Variants in CCSER1 observed in about 807,000 individuals in gnomAD.
CCSER1 encodes serine-rich coiled-coil domain-containing protein 1.
In CCSER1, 41 loss-of-function variants were observed where a neutral mutation model predicts 82.0. The observed-to-expected ratio is 0.50, with a 90% CI of 0.39 to 0.65. The LOEUF (loss-of-function observed/expected upper bound fraction) is 0.65, where lower values mean the gene tolerates loss of function less well. CCSER1 is among the 30% of genes least tolerant of loss of function. The pLI is 0.00. For synonymous variants in CCSER1, 414 were observed against 383.9 expected (o/e 1.08, Z -0.92); for missense variants, 1,119 against 1,064.2 (o/e 1.05, Z -0.72).
intron 1 of CCSER1, among the ~76,000 whole-genome samples, chr4:90,201,127 A>G (rs1469833446): frequency 6.6e-6 from 1 of 152,206 alleles, no homozygotes; most frequent in Non-Finnish European, 1.5e-5. Flanking sequence ...TGCAAATAGA[A>G]TTGCAGAAAC....
chr4:90,693,825 A>C (rs1736477888), intron 6 of CCSER1, among the ~76,000 whole-genome samples: 2 of 151,820 alleles, frequency 1.3e-5, no homozygotes, highest in Non-Finnish European at 1.5e-5. Flanking sequence ...TCACTTTCTT[A>C]AGTGTCTAAT....
intron 9 of CCSER1, among the ~76,000 whole-genome samples, chr4:91,059,984 C>A (rs1216656568): frequency 6.6e-6 from 1 of 152,004 alleles, no homozygotes; most frequent in Non-Finnish European, 1.5e-5. Context: ...AGGATCAATT[C>A]TCTTGTCATA....
chr4:91,486,718 G>T (rs1470772737), intron 10 of CCSER1, among the ~76,000 whole-genome samples: 1 of 152,044 alleles, frequency 6.6e-6, no homozygotes, highest in Non-Finnish European at 1.5e-5. Context: ...GAGAGGTCGT[G>T]GATAGATTTT....
intron 10 of CCSER1, among the ~76,000 whole-genome samples, chr4:91,322,070 T>G (rs966917004): frequency 3.3e-5 from 5 of 152,104 alleles, no homozygotes; most frequent in African/African-American, 7.2e-5. Context: ...ATGAATGAAT[T>G]ATTTAAAATG....
chr4:91,441,384 A>C (rs1391767238), intron 10 of CCSER1, among the ~76,000 whole-genome samples: 2 of 151,800 alleles, frequency 1.3e-5, no homozygotes, highest in African/African-American at 2.4e-5. Context: ...TGATTATCTC[A>C]ATAGATGCAG....
chr4:91,124,409 C>T (rs1429174785), intron 10 of CCSER1, among the ~76,000 whole-genome samples: 1 of 151,650 alleles, frequency 6.6e-6, no homozygotes, highest in Non-Finnish European at 1.5e-5. Flanking sequence ...ATACCTAATG[C>T]CTTTACATAT....
chr4:91,112,261 T>G (rs1726158764), intron 10 of CCSER1, among the ~76,000 whole-genome samples: 1 of 152,144 alleles, frequency 6.6e-6, no homozygotes, highest in African/African-American at 2.4e-5. Context: ...CTAAAGATCT[T>G]TGTCTTGTAG....
intron 10 of CCSER1, among the ~76,000 whole-genome samples, chr4:91,516,100 T>G (rs1425199855): frequency 1.3e-5 from 2 of 152,138 alleles, no homozygotes; most frequent in Non-Finnish European, 2.9e-5. Context: ...ATATAGATTC[T>G]GGCTATTATA....
chr4:91,551,656 A>AACACACACACAC (rs58159693), intron 10 of CCSER1, among the ~76,000 whole-genome samples: 8 of 139,434 alleles, frequency 5.7e-5, no homozygotes, highest in South Asian at 2.4e-4. Context: ...GCAAAAAACA[A>AACACACACACAC]ACACACACAC....
At chr4:91,590,029 G>A (rs561430702) in intron 10 of CCSER1, among the ~76,000 whole-genome samples, 1 of 152,076 alleles carries the variant, frequency 6.6e-6, no homozygotes, top group Admixed American at 6.6e-5. Flanking sequence ...ATGCCTAGTG[G>A]CTTCTGGGAA....
chr4:90,977,778 TG>T (rs1163651584), intron 9 of CCSER1, among the ~76,000 whole-genome samples: 2 of 151,702 alleles, frequency 1.3e-5, no homozygotes. Context: ...CTTGTTGGGC[TG>T]GGATATCGAC....
intron 6 of CCSER1, among the ~76,000 whole-genome samples, chr4:90,646,770 AC>A (rs1410426390): frequency 6.6e-6 from 1 of 151,974 alleles, no homozygotes; most frequent in Non-Finnish European, 1.5e-5. Flanking sequence ...TTAATGACCC[AC>A]CCTTTCCTTT....
intron 7 of CCSER1, among the ~76,000 whole-genome samples, chr4:90,748,611 C>A (rs1747968314): frequency 6.7e-6 from 1 of 148,582 alleles, no homozygotes; most frequent in Non-Finnish European, 1.5e-5. Context: ...GGAATCGCCA[C>A]ACTGACTTCC....
chr4:90,138,480 G>A (rs1375195090), intron 1 of CCSER1, among the ~76,000 whole-genome samples: 2 of 152,126 alleles, frequency 1.3e-5, no homozygotes, highest in African/African-American at 2.4e-5. Context: ...CTGAAAATTT[G>A]TTCTTAATTT....
chr4:90,229,450 T>A (rs1743973731), intron 1 of CCSER1, among the ~76,000 whole-genome samples: 1 of 151,876 alleles, frequency 6.6e-6, no homozygotes, highest in African/African-American at 2.4e-5. Context: ...AGGCCTGCCC[T>A]AAAAGTGCTC....
At chr4:90,475,161 T>C (rs966930130) in intron 5 of CCSER1, among the ~76,000 whole-genome samples, 4 of 152,268 alleles carry the variant, frequency 2.6e-5, no homozygotes, top group Admixed American at 1.3e-4. Flanking sequence ...TAGGTTCTTA[T>C]GTAAATTCTT....
chr4:90,868,335 C>T lies in CCSER1; in HGVS notation c.2094+52490C>T, dbSNP rs139305612. The stretch of plus-strand genomic sequence containing the variant: ...TACTTACTAAACATCCCTTTTTCCC[C>T]CACCACTCCCACCTTACTACCCTCT... On this transcript the variant is annotated intron_variant, in intron 8 of 10. Transcript: ENST00000509176. 6.5e-3 allele frequency among the ~76,000 whole-genome samples: 993 copies of T among 152,006 alleles called. 12 individuals are homozygous for T. Among genetic ancestry groups the T allele is most frequent in the African/African-American group, 0.023 (956 of 41,518 alleles).
intron 9 of CCSER1, among the ~76,000 whole-genome samples, chr4:90,936,742 TTCTC>T (rs567220707): frequency 1.3e-5 from 2 of 152,170 alleles, no homozygotes; most frequent in Non-Finnish European, 2.9e-5. Flanking sequence ...ATAAAATATA[TTCTC>T]TCTGTCTTTC....
intron 10 of CCSER1, among the ~76,000 whole-genome samples, chr4:91,190,901 A>G (rs527496369): frequency 1.3e-5 from 2 of 152,316 alleles, no homozygotes; most frequent in East Asian, 3.9e-4. Context: ...ATGGATATGT[A>G]GGAAGACTTT....
Sources: allele counts gnomAD v4.1 joint callset (sites outside exome capture counted in the v4.1 genomes callset), GRCh38; gene constraint gnomAD v4.1.1; transcripts MANE v1.5; gene names NCBI Gene and HGNC (gene_info 2026-07-23, HGNC 2026-07-21).